Variants in NT5DC1 observed in about 807,000 individuals in gnomAD.
NT5DC1 encodes 5'-nucleotidase domain-containing protein 1.
Under a neutral mutation model 59.4 loss-of-function variants are expected in NT5DC1, and 42 were observed. The ratio of observed to expected loss-of-function variants is 0.71; its 90% CI spans 0.55 to 0.92. The LOEUF is 0.92. NT5DC1 is among the 40% of genes least tolerant of loss of function. The probability of loss-of-function intolerance (pLI) is 0.00; values close to 1 mark genes in which losing one functional copy is unlikely to be tolerated. For missense variants in NT5DC1, 501 were observed against 537.1 expected (o/e 0.93, Z 0.66); for synonymous variants, 172 against 188.1 (o/e 0.91, Z 0.70).
rs761718922 is a variant in NT5DC1, at chr6:116,163,141, A to AAAAT, written c.529+45197_529+45198insAATA. On this transcript the variant is annotated intron_variant, in intron 6 of 11. Transcript: ENST00000319550. The stretch of plus-strand genomic sequence containing the variant: ...GACTCCGTCTCAAAAAAAAAAAAAA[A>AAAAT]ATATATATATATATATATATATTAG... 2.9e-4 allele frequency among the ~76,000 whole-genome samples: 26 copies of AAAAT among 88,394 alleles called. 1 individual carries two copies. Among genetic ancestry groups the AAAAT allele is most frequent in the African/African-American group, 1.3e-3 (22 of 17,344 alleles). The allele number at this position is 88,394 out of a possible 152,430, so 58.0% of individuals were successfully genotyped here.
intron 6 of NT5DC1, among the ~76,000 whole-genome samples, chr6:116,218,336 A>AT (rs1562169660): frequency 6.6e-6 from 1 of 152,100 alleles, no homozygotes; most frequent in Non-Finnish European, 1.5e-5. Flanking sequence ...AGAAAAAATA[A>AT]TTTTTTCTCA....
intron 6 of NT5DC1, among the ~76,000 whole-genome samples, chr6:116,133,595 C>T (rs540510918): frequency 3.2e-4 from 48 of 152,228 alleles, no homozygotes; most frequent in African/African-American, 1.1e-3. Context: ...GATACTTATG[C>T]AGCTATTTAA....
At chr6:116,213,475 A>G (rs931670708) in intron 6 of NT5DC1, among the ~76,000 whole-genome samples, 2 of 152,048 alleles carry the variant, frequency 1.3e-5, no homozygotes, top group Admixed American at 6.6e-5. Context: ...TGGAACTAAC[A>G]CAGGGTCATT....
At position 116,221,071 on chromosome 6, in the gene NT5DC1, T is replaced by A; in HGVS notation, c.547T>A (p.Phe183Ile). The change falls in exon 7 of 12, where the codon TTT becomes ATT. Residue 183 changes from phenylalanine (F) to isoleucine (I), a missense_variant. Physicochemically the swap from Phe to Ile is conservative, Grantham distance 21. Coordinates refer to ENST00000319550, the MANE Select transcript of NT5DC1 (RefSeq NM_152729.3). ...TTTTTCAGAAAACTGTGGAATATAT[T>A]TTCCAGAAATAAAAAGAGATCCAGG... ...SAFKENCGIYFPEIKRDPGRY... is the reference protein window; with the variant it reads ...SAFKENCGIYIPEIKRDPGRY... The A allele has an allele frequency of 6.6e-7, 1 of 1,519,188 alleles. No homozygotes were observed. The highest frequency in any genetic ancestry group is 9.0e-7 in the Non-Finnish European group (1 of 1,105,396). 94.1% of individuals were successfully genotyped at this position (1,519,188 alleles called of 1,614,324 possible).
chr6:116,187,115 C>T (rs1781018157), intron 6 of NT5DC1, among the ~76,000 whole-genome samples: 5 of 152,002 alleles, frequency 3.3e-5, no homozygotes, highest in Admixed American at 3.3e-4. Context: ...AGCCAGACTG[C>T]AGTGATGCTA....
At chr6:116,181,750 A>G (rs1006770238) in intron 6 of NT5DC1, among the ~76,000 whole-genome samples, 5 of 152,050 alleles carry the variant, frequency 3.3e-5, no homozygotes, top group Non-Finnish European at 7.4e-5. Context: ...TGAGAGAAAT[A>G]ACTGAAGACC....
intron 6 of NT5DC1, among the ~76,000 whole-genome samples, chr6:116,195,906 G>A (rs138185259): frequency 2.0e-5 from 3 of 152,102 alleles, no homozygotes; most frequent in African/African-American, 7.2e-5. Context: ...GTTGGAAAGG[G>A]GGAAGGTGGA....
At chr6:116,220,783 G>A (rs768989971) in intron 6 of NT5DC1, among the ~76,000 whole-genome samples, 15 of 152,168 alleles carry the variant, frequency 9.9e-5, no homozygotes, top group Non-Finnish European at 1.6e-4. Flanking sequence ...ATCATATTGT[G>A]TTTCTTGTGT....
intron 6 of NT5DC1, among the ~76,000 whole-genome samples, chr6:116,145,174 T>C (rs1275128723): frequency 6.6e-6 from 1 of 152,098 alleles, no homozygotes; most frequent in Non-Finnish European, 1.5e-5. Context: ...CACTCTGCAG[T>C]GAGAAGTTGG....
At chr6:116,175,108 A>G (rs923077057) in intron 6 of NT5DC1, among the ~76,000 whole-genome samples, 4 of 152,174 alleles carry the variant, frequency 2.6e-5, no homozygotes, top group African/African-American at 9.7e-5. Flanking sequence ...TATAATTTAT[A>G]TACAATAAAA....
At chr6:116,123,360 CCT>C (rs1431366080) in intron 6 of NT5DC1, among the ~76,000 whole-genome samples, 2 of 152,088 alleles carry the variant, frequency 1.3e-5, no homozygotes, top group South Asian at 2.1e-4. Flanking sequence ...GGGGACAGCC[CCT>C]GTTTGTAGGT....
chr6:116,238,144 C>T, intron 9 of NT5DC1, 43 bp from the exon 10 acceptor site: 1 of 1,469,890 alleles, frequency 6.8e-7, no homozygotes, highest in Non-Finnish European at 9.2e-7. Context: ...ATGCCACTTT[C>T]ACAATTCTGT....
intron 8 of NT5DC1, among the ~76,000 whole-genome samples, chr6:116,232,660 T>C (rs1027293812): frequency 2.0e-5 from 3 of 152,174 alleles, no homozygotes; most frequent in Admixed American, 6.5e-5. Flanking sequence ...TCACAGATTC[T>C]GCTCTCTGTG....
At chr6:116,122,370 C>G (rs1474821937) in intron 6 of NT5DC1, among the ~76,000 whole-genome samples, 1 of 152,160 alleles carries the variant, frequency 6.6e-6, no homozygotes, top group Non-Finnish European at 1.5e-5. Flanking sequence ...CAAAGCTACC[C>G]TGTCAGACAT....
intron 6 of NT5DC1, among the ~76,000 whole-genome samples, chr6:116,150,248 A>C (rs1315521733): frequency 2.0e-5 from 3 of 152,078 alleles, no homozygotes; most frequent in Non-Finnish European, 4.4e-5. Flanking sequence ...GGCCACTGAC[A>C]GATCAGTTAA....
rs766024819 is a variant in NT5DC1, at chr6:116,121,075, T to C, written c.529+3130T>C. ...CATGGCTACCCGGGATGCCTTTTGG[T>C]CCTTGGGGTCCCATATTCCCAGGGG... On this transcript the variant is annotated intron_variant, in intron 6 of 11. Coordinates refer to ENST00000319550, the MANE Select transcript of NT5DC1 (RefSeq NM_152729.3). The C allele has an allele frequency of 3.1e-6, 5 of 1,613,892 alleles. No homozygotes were observed. In the East Asian group the frequency reaches 1.1e-4, roughly 36 times the overall value.
intron 6 of NT5DC1, among the ~76,000 whole-genome samples, chr6:116,175,888 A>G (rs1780724205): frequency 6.6e-6 from 1 of 152,138 alleles, no homozygotes; most frequent in African/African-American, 2.4e-5. Flanking sequence ...ATTCCAATGT[A>G]TGAATCATCT....
At chr6:116,201,921 C>T (rs1033298445) in intron 6 of NT5DC1, among the ~76,000 whole-genome samples, 1 of 152,010 alleles carries the variant, frequency 6.6e-6, no homozygotes, top group African/African-American at 2.4e-5. Context: ...TAGATTTATG[C>T]ACCTACAGCT....
intron 6 of NT5DC1, among the ~76,000 whole-genome samples, chr6:116,133,401 C>T (rs983156568): frequency 6.6e-6 from 1 of 152,122 alleles, no homozygotes; most frequent in African/African-American, 2.4e-5. Flanking sequence ...TTATTTAGAT[C>T]TCTTTGTTCC....
Sources: gnomAD v4.1 joint callset for allele counts (sites outside exome capture counted in the v4.1 genomes callset) on GRCh38, gnomAD v4.1.1 for gene constraint, MANE v1.5 for transcripts, NCBI Gene and HGNC (gene_info 2026-07-23, HGNC 2026-07-21) for gene names.